FNDC3B: variants seen among roughly 807,000 people sequenced by gnomAD.
The protein encoded by FNDC3B is fibronectin type III domain-containing protein 3B.
A neutral mutation model predicts 151.5 loss-of-function variants in FNDC3B; 12 were observed. That is an observed-to-expected ratio of 0.08 (90% CI 0.05 to 0.13). The LOEUF (loss-of-function observed/expected upper bound fraction) is 0.13, where lower values mean the gene tolerates loss of function less well. FNDC3B is among the 10% of genes least tolerant of loss of function. The probability of loss-of-function intolerance (pLI) is 1.00; values close to 1 mark genes in which losing one functional copy is unlikely to be tolerated. For missense variants in FNDC3B, 1,214 were observed against 1,505.3 expected (o/e 0.81, Z 3.20); for synonymous variants, 528 against 549.0 (o/e 0.96, Z 0.54).
intron 3 of FNDC3B, among the ~76,000 whole-genome samples, chr3:172,137,259 C>G (rs1721418865): frequency 6.6e-6 from 1 of 152,124 alleles, no homozygotes; most frequent in Non-Finnish European, 1.5e-5. Context: ...ATTTATTAGC[C>G]TGATAATTTT....
intron 3 of FNDC3B, among the ~76,000 whole-genome samples, chr3:172,216,481 A>G (rs74834407): frequency 0.022 from 3,298 of 152,136 alleles, 129 homozygotes; most frequent in African/African-American, 0.074. Context: ...AGCCTGAGCA[A>G]CATTGTGAGA....
chr3:172,079,602 A>G (rs990481195), intron 1 of FNDC3B, among the ~76,000 whole-genome samples: 3 of 152,220 alleles, frequency 2.0e-5, no homozygotes, highest in African/African-American at 7.2e-5. Flanking sequence ...GATGGGAGAT[A>G]ATTCCCGTAT....
intron 4 of FNDC3B, among the ~76,000 whole-genome samples, chr3:172,238,448 G>A (rs964703969): frequency 1.3e-5 from 2 of 152,174 alleles, no homozygotes; most frequent in East Asian, 1.9e-4. Flanking sequence ...AACCACCACA[G>A]TCAGCCCTCT....
intron 3 of FNDC3B, among the ~76,000 whole-genome samples, chr3:172,142,924 C>G (rs1347509777): frequency 1.3e-5 from 2 of 152,184 alleles, no homozygotes; most frequent in African/African-American, 4.8e-5. Flanking sequence ...GGCAGTTTCT[C>G]TCTGTGTCCT....
chr3:172,181,657 C>T (rs539438148), intron 3 of FNDC3B, among the ~76,000 whole-genome samples: 2 of 151,348 alleles, frequency 1.3e-5, no homozygotes, highest in African/African-American at 4.8e-5. Context: ...GGTGAAACCC[C>T]ATCTCTACTA....
rs935447953 is a variant in FNDC3B, at chr3:172,394,180, A to G, written c.3304-2984A>G. ...TTCTAAAAGCAAAGTTTAAAGCAAT[A>G]AACACCTACATCAAAAAGCAAGAGA... On this transcript the variant is annotated intron_variant, in intron 25 of 25. Coordinates refer to ENST00000415807, the MANE Select transcript of FNDC3B (RefSeq NM_022763.4). Among the ~76,000 whole-genome samples, 10 of 149,826 alleles carry G rather than the reference A, an allele frequency of 6.7e-5. No homozygotes were observed. The South Asian group carries it at 2.1e-3, about 32-fold the overall frequency.
intron 1 of FNDC3B, among the ~76,000 whole-genome samples, chr3:172,082,907 C>T (rs1257803789): frequency 2.0e-5 from 3 of 152,064 alleles, no homozygotes; most frequent in Admixed American, 6.6e-5. Flanking sequence ...AGCTAGATTC[C>T]ATTGAAGTTT....
intron 18 of FNDC3B, 59 bp from the exon 19 acceptor site, chr3:172,344,027 C>A: frequency 1.3e-6 from 2 of 1,497,494 alleles, no homozygotes; most frequent in Non-Finnish European, 1.8e-6. Context: ...AAATCTGGTG[C>A]ACTTTGGTCA....
chr3:172,116,018 G>C (rs1033676894), intron 2 of FNDC3B, among the ~76,000 whole-genome samples: 1 of 152,070 alleles, frequency 6.6e-6, no homozygotes, highest in African/African-American at 2.4e-5. Context: ...TTGCGTTCTG[G>C]CTCTCTAAAT....
chr3:172,178,671 C>G (rs1723731295), intron 3 of FNDC3B, among the ~76,000 whole-genome samples: 1 of 152,060 alleles, frequency 6.6e-6, no homozygotes, highest in Admixed American at 6.6e-5. Context: ...CCCTGGGACC[C>G]CACATTCTTG....
chr3:172,295,945 A>G (rs962049562), intron 8 of FNDC3B, among the ~76,000 whole-genome samples: 1 of 152,174 alleles, frequency 6.6e-6, no homozygotes, highest in African/African-American at 2.4e-5. Context: ...ACCTTGCACA[A>G]TAGTTTCCAG....
chr3:172,134,549 T>C (rs967324736), intron 3 of FNDC3B, among the ~76,000 whole-genome samples: 1 of 152,198 alleles, frequency 6.6e-6, no homozygotes, highest in African/African-American at 2.4e-5. Flanking sequence ...GCCCTTTAGT[T>C]TCGGTTTCCC....
Position 172,270,253 on chromosome 3 carries a change from C to T in FNDC3B, c.791-15673C>T, listed in dbSNP as rs1274189124. On this transcript the variant is annotated intron_variant, in intron 6 of 25. Transcript: ENST00000415807. ...GTTACTCTCTTTGCTGGTCTCACTG[C>T]TTTAGCTGTTGTTCCCTTAAAATTC... 3.3e-5 allele frequency among the ~76,000 whole-genome samples: 5 copies of T among 152,226 alleles called. No homozygotes were observed. The East Asian group carries it at 9.6e-4, about 29-fold the overall frequency.
At chr3:172,385,371 T>C (rs1735652301) in intron 25 of FNDC3B, among the ~76,000 whole-genome samples, 1 of 152,128 alleles carries the variant, frequency 6.6e-6, no homozygotes, top group African/African-American at 2.4e-5. Flanking sequence ...TGGGCTTGTG[T>C]TATTCATTTT....
chr3:172,291,699 T>G (rs916661603), intron 7 of FNDC3B, among the ~76,000 whole-genome samples: 3 of 152,216 alleles, frequency 2.0e-5, no homozygotes, highest in Non-Finnish European at 4.4e-5. Context: ...ATTGACTTTC[T>G]AGTTACGGTA....
chr3:172,045,788 C>CTATA (rs1427723759), intron 1 of FNDC3B, among the ~76,000 whole-genome samples: 19 of 134,964 alleles, frequency 1.4e-4, no homozygotes, highest in South Asian at 4.8e-4. Context: ...CTCTCTCTCT[C>CTATA]TCTCTCTATA....
At chr3:172,065,316 A>C (rs493617) in intron 1 of FNDC3B, among the ~76,000 whole-genome samples, 2,715 of 152,308 alleles carry the variant, frequency 0.018, 33 homozygotes, top group Non-Finnish European at 0.024. Flanking sequence ...TGGGTGACAG[A>C]GCTAGACTCC....
chr3:172,072,844 T>C (rs1207453700), intron 1 of FNDC3B, among the ~76,000 whole-genome samples: 1 of 152,216 alleles, frequency 6.6e-6, no homozygotes, highest in Non-Finnish European at 1.5e-5. Context: ...TAGATTTCAT[T>C]TCAAATGACA....
intron 1 of FNDC3B, among the ~76,000 whole-genome samples, chr3:172,046,187 T>C (rs1488936125): frequency 6.6e-6 from 1 of 152,208 alleles, no homozygotes; most frequent in Non-Finnish European, 1.5e-5. Context: ...TTTGTCAGTT[T>C]GAAAATGGAT....
Sources: gnomAD v4.1 joint callset for allele counts (sites outside exome capture counted in the v4.1 genomes callset) on GRCh38, gnomAD v4.1.1 for gene constraint, MANE v1.5 for transcripts, NCBI Gene and HGNC (gene_info 2026-07-23, HGNC 2026-07-21) for gene names.